Variants in SYNPO2 observed in about 807,000 individuals in gnomAD.
The protein encoded by SYNPO2 is synaptopodin 2, also known as synaptopodin-2.
Under a neutral mutation model 85.0 loss-of-function variants are expected in SYNPO2, and 56 were observed. That is an observed-to-expected ratio of 0.66 (90% CI 0.53 to 0.82). The LOEUF is 0.82. Among genes scored for constraint, SYNPO2 ranks in the 40% least tolerant of loss-of-function variants. The probability of loss-of-function intolerance (pLI) is 0.00; values close to 1 mark genes in which losing one functional copy is unlikely to be tolerated. For missense variants in SYNPO2, 1,575 were observed against 1,534.2 expected, an observed-to-expected ratio of 1.03 and a Z score of -0.44; for synonymous variants, 602 against 591.1, an observed-to-expected ratio of 1.02 and a Z score of -0.27.
chr4:118,957,818 GGAGA>G (rs1468762330), intron 1 of SYNPO2, among the ~76,000 whole-genome samples: 5 of 152,212 alleles, frequency 3.3e-5, no homozygotes, highest in African/African-American at 4.8e-5. Flanking sequence ...TCTCGCAGAT[GGAGA>G]GAGAGGGCCT....
At chr4:118,878,956 A>G (rs933743522) in intron 1 of SYNPO2, among the ~76,000 whole-genome samples, 1 of 152,150 alleles carries the variant, frequency 6.6e-6, no homozygotes, top group Non-Finnish European at 1.5e-5. Context: ...TACCTCTAAG[A>G]GCTGTAACAC....
intron 1 of SYNPO2, among the ~76,000 whole-genome samples, chr4:118,879,679 A>G (rs1394306434): frequency 1.3e-5 from 2 of 152,166 alleles, no homozygotes; most frequent in Non-Finnish European, 2.9e-5. Flanking sequence ...CAAAGAGACT[A>G]AAACACGAGG....
intron 1 of SYNPO2, among the ~76,000 whole-genome samples, chr4:118,935,647 G>A (rs1052105096): frequency 3.9e-5 from 6 of 152,216 alleles, no homozygotes; most frequent in African/African-American, 1.4e-4. Flanking sequence ...CCCCAACAAA[G>A]CTTAAAATGT....
intron 1 of SYNPO2, among the ~76,000 whole-genome samples, chr4:118,867,348 T>C (rs1731717030): frequency 6.6e-6 from 1 of 152,218 alleles, no homozygotes; most frequent in Non-Finnish European, 1.5e-5. Flanking sequence ...AAGATCTTAC[T>C]GTATCTGCCT....
intron 1 of SYNPO2, among the ~76,000 whole-genome samples, chr4:118,948,198 C>G (rs528664043): frequency 6.6e-6 from 1 of 152,196 alleles, no homozygotes; most frequent in East Asian, 1.9e-4. Flanking sequence ...GTTGATTGCA[C>G]TAATAAGATC....
chr4:118,868,537 A>G (rs1731743594), intron 1 of SYNPO2, among the ~76,000 whole-genome samples: 1 of 152,200 alleles, frequency 6.6e-6, no homozygotes, highest in Admixed American at 6.5e-5. Context: ...GGATTTTTGA[A>G]AGACATTTTA....
rs753849535 is a variant in SYNPO2, at chr4:119,027,434, T to G, written c.1065T>G (p.His355Gln). ...HSRPHKHRARHARLRRSESLS... is the reference protein window; with the variant it reads ...HSRPHKHRARQARLRRSESLS... ...GACCTCACAAGCACCGAGCGCGGCA[T>G]GCACGTAAGTTCTGCCTGGGCTTTC... Residue 355 changes from histidine to glutamine, a missense_variant, in exon 3 of 5, where the codon CAT becomes CAG. His to Gln is a conservative substitution (Grantham distance 24, BLOSUM62 0). Coordinates refer to ENST00000307142, the MANE Select transcript of SYNPO2 (RefSeq NM_133477.3). 4 of 1,587,046 alleles carry G rather than the reference T, an allele frequency of 2.5e-6. No individual in the cohort carries two copies. Among genetic ancestry groups the G allele is most frequent in the Admixed American group, 1.7e-5 (1 of 59,332 alleles).
rs70944821 is a variant in SYNPO2 at position 118,927,697 on chromosome 4, GAGATAGATAGATAGAT to G, written c.105+38593_105+38608del. 7.9e-3 allele frequency among the ~76,000 whole-genome samples: 988 copies of G among 124,878 alleles called. 15 individuals are homozygous for G. The highest frequency in any genetic ancestry group is 0.024 in the Middle Eastern group (6 of 254). The allele number at this position is 124,878 out of a possible 152,430, so 81.9% of individuals were successfully genotyped here. On this transcript the variant is annotated intron_variant, in intron 1 of 4. Transcript: ENST00000307142. The stretch of plus-strand genomic sequence containing the variant: ...TACCTAGTAATTGTTATTAAACAAT[GAGATAGATAGATAGAT>G]AGATAGATAGATAGATAGATAGATA...
intron 1 of SYNPO2, among the ~76,000 whole-genome samples, chr4:118,956,027 G>C (rs1325945058): frequency 6.6e-6 from 1 of 152,254 alleles, no homozygotes; most frequent in South Asian, 2.1e-4. Context: ...AATTGTCTGA[G>C]TGGTTATGAA....
rs1171314917 is a variant in SYNPO2 at position 119,058,662 on chromosome 4, A to G, written c.*728A>G. 4 of 152,022 alleles carry G rather than the reference A, an allele frequency of 2.6e-5. No individual in the cohort carries two copies. Among genetic ancestry groups the G allele is most frequent in the Non-Finnish European group, 5.9e-5 (4 of 68,044 alleles). The allele number at this position is 152,022 out of a possible 1,614,324, so 9.4% of individuals were successfully genotyped here. A position where few individuals can be genotyped will look rare whatever the true frequency, so the allele number is the denominator to read the frequency against. Reference sequence around the variant, plus strand: ...GATAATTTTTGTATTTTTAGTAGACACAAAGTTTCACCATGTTGGTCAGAC... The same window carrying G: ...GATAATTTTTGTATTTTTAGTAGACGCAAAGTTTCACCATGTTGGTCAGAC... On this transcript the variant is annotated 3_prime_UTR_variant, in exon 5 of 5. Transcript: ENST00000307142.
chr4:119,012,926 G>C (rs142697249), intron 1 of SYNPO2, among the ~76,000 whole-genome samples: 387 of 152,088 alleles, frequency 2.5e-3, no homozygotes, highest in African/African-American at 8.6e-3. Flanking sequence ...ACTTGCTTTT[G>C]CATTGCCTTC....
intron 1 of SYNPO2, among the ~76,000 whole-genome samples, chr4:118,960,473 A>G (rs552873536): frequency 6.6e-6 from 1 of 152,302 alleles, no homozygotes; most frequent in Non-Finnish European, 1.5e-5. Flanking sequence ...TGAATGTAAA[A>G]TTGTAAAATT....
chr4:118,967,743 T>G (rs1004940980), intron 1 of SYNPO2, among the ~76,000 whole-genome samples: 2 of 152,234 alleles, frequency 1.3e-5, no homozygotes, highest in Non-Finnish European at 2.9e-5. Context: ...AGTCATCTCC[T>G]TAAGAAATCA....
chr4:118,851,132 CA>C (rs1731413299), intron 1 of SYNPO2, among the ~76,000 whole-genome samples: 2 of 132,588 alleles, frequency 1.5e-5, no homozygotes, highest in Admixed American at 1.4e-4. Context: ...GGTCTTTCGT[CA>C]GAACTTTCCT....
chr4:119,050,362 A>G (rs1354232887), intron 4 of SYNPO2, among the ~76,000 whole-genome samples: 1 of 152,082 alleles, frequency 6.6e-6, no homozygotes, highest in Non-Finnish European at 1.5e-5. Flanking sequence ...CTCTCAAAAC[A>G]ATATCATTGC....
intron 1 of SYNPO2, among the ~76,000 whole-genome samples, chr4:118,951,782 A>G (rs1231151695): frequency 6.6e-6 from 1 of 152,236 alleles, no homozygotes; most frequent in African/African-American, 2.4e-5. Flanking sequence ...GAGGCTAGAA[A>G]TAATTTGAAA....
chr4:118,879,718 G>A (rs1357341261), intron 1 of SYNPO2, among the ~76,000 whole-genome samples: 1 of 152,160 alleles, frequency 6.6e-6, no homozygotes, highest in Non-Finnish European at 1.5e-5. Flanking sequence ...GTTCAACAGA[G>A]CAGCTGGTCA....
At position 119,031,145 on chromosome 4, in the gene SYNPO2, T is replaced by TG; in HGVS notation, c.2371dup (p.Ala791GlyfsTer74). 6.2e-7 allele frequency: 1 copy of TG among 1,614,142 alleles called. No individual in the cohort carries two copies. The highest frequency in any genetic ancestry group is 8.5e-7 in the Non-Finnish European group (1 of 1,180,018). On this transcript the variant is annotated frameshift_variant, in exon 4 of 5. Transcript: ENST00000307142. LOFTEE classifies it high-confidence loss of function. ...CAGGAGTGGCTCCCACCCAACCTCC[T>TG]GCCTTCCCCACATCCAACCCATCAA... is the stretch of plus-strand genomic sequence containing the variant.
intron 1 of SYNPO2, among the ~76,000 whole-genome samples, chr4:118,856,548 C>A (rs1290894617): frequency 6.6e-6 from 1 of 151,614 alleles, no homozygotes; most frequent in East Asian, 1.9e-4. Context: ...TGTTTATTGA[C>A]TTTTTTTTGA....
Sources: gnomAD v4.1 joint callset for allele counts (sites outside exome capture counted in the v4.1 genomes callset) on GRCh38, gnomAD v4.1.1 for gene constraint, MANE v1.5 for transcripts, NCBI Gene and HGNC (gene_info 2026-07-23, HGNC 2026-07-21) for gene names.